Variants in SNCAIP observed in about 807,000 individuals in gnomAD.
SNCAIP encodes synphilin-1.
A neutral mutation model predicts 86.7 loss-of-function variants in SNCAIP; 43 were observed. The observed-to-expected ratio is 0.50, with a 90% CI of 0.39 to 0.64. The LOEUF (loss-of-function observed/expected upper bound fraction) is 0.64, where lower values mean the gene tolerates loss of function less well. SNCAIP is among the 30% of genes least tolerant of loss of function. The pLI, the probability that SNCAIP is intolerant of heterozygous loss-of-function variation, is 0.00. For missense variants in SNCAIP, 981 were observed against 1,103.1 expected, an observed-to-expected ratio of 0.89 and a Z score of 1.57; for synonymous variants, 417 against 427.2, an observed-to-expected ratio of 0.98 and a Z score of 0.29.
intron 1 of SNCAIP, among the ~76,000 whole-genome samples, chr5:122,384,233 A>G (rs1238685121): frequency 6.6e-6 from 1 of 152,208 alleles, no homozygotes; most frequent in Non-Finnish European, 1.5e-5. Context: ...CTTTGCCCCT[A>G]CTTAGTAGTG....
At position 122,450,541 on chromosome 5, in the gene SNCAIP, C is replaced by G; in HGVS notation, c.1694C>G (p.Ser565Cys). The G allele has an allele frequency of 6.2e-7, 1 of 1,612,848 alleles. No individual in the cohort carries two copies. The highest frequency in any genetic ancestry group is 8.5e-7 in the Non-Finnish European group (1 of 1,178,856). Residue 565 changes from serine (S) to cysteine (C), a missense_variant, in exon 10 of 11, where the codon TCC (serine) becomes TGC (cysteine). Physicochemically the swap from Ser to Cys is moderately radical, Grantham distance 112. Coordinates refer to ENST00000261368, the MANE Select transcript of SNCAIP (RefSeq NM_005460.4). ...CTTCATCTTCTTTTTAGTTCACCATCCTCACCTGCCTCCAGAAAGTCCCAG... is the reference window on the plus strand; with the variant it reads ...CTTCATCTTCTTTTTAGTTCACCATGCTCACCTGCCTCCAGAAAGTCCCAG... Reference protein sequence around the residue: ...KSLPSSPSSPSSPASRKSQWK... With the variant: ...KSLPSSPSSPCSPASRKSQWK...
intron 1 of SNCAIP, among the ~76,000 whole-genome samples, chr5:122,358,159 T>TTGTGTGTG (rs36222259): frequency 1.2e-4 from 17 of 138,090 alleles, no homozygotes; most frequent in Non-Finnish European, 2.2e-4. Flanking sequence ...ATTTGTTTCT[T>TTGTGTGTG]TGTGTGTGTG....
intron 2 of SNCAIP, among the ~76,000 whole-genome samples, chr5:122,395,189 C>A (rs1335957581): frequency 6.6e-6 from 1 of 152,098 alleles, no homozygotes; most frequent in Non-Finnish European, 1.5e-5. Context: ...TTTTACTGTA[C>A]CTCAACATTC....
rs868797500 is a variant in SNCAIP at position 122,451,561 on chromosome 5, G to A, written c.2714G>A (p.Gly905Glu). 1 of 1,613,658 alleles carries A rather than the reference G, an allele frequency of 6.2e-7. No homozygotes were observed. The highest frequency in any genetic ancestry group is 8.5e-7 in the Non-Finnish European group (1 of 1,179,896). The change falls in exon 10 of 11, where the codon GGA becomes GAA. Residue 905 changes from glycine to glutamate, a missense_variant. By Grantham distance (98) the Gly-to-Glu change is moderately conservative (BLOSUM62 -2). Coordinates refer to ENST00000261368, the MANE Select transcript of SNCAIP (RefSeq NM_005460.4). ...CTTGGGAGGAAGACAGATGCCAAGG[G>A]AAACCCTGCCAGCTCCGCTAGCAAA... Reference protein sequence around the residue: ...TSLGRKTDAKGNPASSASKGK... With the variant: ...TSLGRKTDAKENPASSASKGK...
chr5:122,351,516 A>AACAG (rs1759772841), intron 1 of SNCAIP, among the ~76,000 whole-genome samples: 1 of 130,824 alleles, frequency 7.6e-6, no homozygotes, highest in African/African-American at 3.0e-5. Flanking sequence ...CAGCCTGGGC[A>AACAG]ACAGAGTGAG....
At chr5:122,337,703 C>T (rs1336058883) in intron 1 of SNCAIP, among the ~76,000 whole-genome samples, 1 of 152,136 alleles carries the variant, frequency 6.6e-6, no homozygotes, top group African/African-American at 2.4e-5. Context: ...CCATGCCCTG[C>T]TAATTTTTGC....
At chr5:122,327,966 T>G (rs867697084) in intron 1 of SNCAIP, among the ~76,000 whole-genome samples, 1 of 152,138 alleles carries the variant, frequency 6.6e-6, no homozygotes, top group Non-Finnish European at 1.5e-5. Context: ...TCATGTGATT[T>G]AGGGTTAAAG....
At chr5:122,317,903 C>G (rs570631264) in intron 1 of SNCAIP, among the ~76,000 whole-genome samples, 2 of 152,170 alleles carry the variant, frequency 1.3e-5, no homozygotes, top group South Asian at 4.2e-4. Flanking sequence ...TCATGTTTCA[C>G]TCTTCCCAAG....
intron 1 of SNCAIP, chr5:122,337,044 G>T (rs1420230649): frequency 6.6e-6 from 1 of 152,226 alleles, no homozygotes; most frequent in East Asian, 1.9e-4. Context: ...ACAGGTAAAA[G>T]AAATGATGCA....
At chr5:122,421,317 A>G (rs868117985) in intron 3 of SNCAIP, among the ~76,000 whole-genome samples, 3 of 152,234 alleles carry the variant, frequency 2.0e-5, no homozygotes, top group Non-Finnish European at 2.9e-5. Flanking sequence ...TTTCAGGGAA[A>G]GAACTCACTG....
chr5:122,458,197 T>C (rs991011512), intron 10 of SNCAIP, among the ~76,000 whole-genome samples: 1 of 152,190 alleles, frequency 6.6e-6, no homozygotes. Flanking sequence ...AATGAATGTG[T>C]GGAGTTTGTG....
At chr5:122,366,037 G>A (rs932659802) in intron 1 of SNCAIP, among the ~76,000 whole-genome samples, 2 of 152,132 alleles carry the variant, frequency 1.3e-5, no homozygotes, top group Admixed American at 1.3e-4. Flanking sequence ...GGGCAAGCAA[G>A]TGAATTAGTC....
At chr5:122,321,937 A>G (rs532858905) in intron 1 of SNCAIP, 2 of 152,332 alleles carry the variant, frequency 1.3e-5, no homozygotes, top group East Asian at 1.9e-4. Flanking sequence ...ATGTGAAATC[A>G]TAAGTCTTAT....
intron 2 of SNCAIP, among the ~76,000 whole-genome samples, chr5:122,392,636 T>C (rs1043165996): frequency 2.0e-5 from 3 of 152,174 alleles, no homozygotes; most frequent in Non-Finnish European, 4.4e-5. Flanking sequence ...TTGATAATGA[T>C]GTTGTGTTTT....
chr5:122,431,291 C>CA (rs774206138), intron 5 of SNCAIP, among the ~76,000 whole-genome samples: 5 of 151,742 alleles, frequency 3.3e-5, no homozygotes, highest in East Asian at 1.9e-4. Flanking sequence ...TCACTATTCA[C>CA]AAAAAAAATT....
chr5:122,351,358 G>A (rs773993919), intron 1 of SNCAIP, among the ~76,000 whole-genome samples: 6 of 151,618 alleles, frequency 4.0e-5, no homozygotes, highest in Admixed American at 6.6e-5. Flanking sequence ...CCAACATGGC[G>A]AAACACCATC....
intron 3 of SNCAIP, among the ~76,000 whole-genome samples, chr5:122,410,206 A>C (rs1581071711): frequency 1.3e-5 from 2 of 152,356 alleles, no homozygotes; most frequent in East Asian, 3.9e-4. Context: ...CCACCAAAAC[A>C]AAATTACTGC....
chr5:122,318,436 T>C (rs1202811142), intron 1 of SNCAIP, among the ~76,000 whole-genome samples: 1 of 152,222 alleles, frequency 6.6e-6, no homozygotes, highest in East Asian at 1.9e-4. Flanking sequence ...ACTAAATGTC[T>C]TGAGAGCTGG....
chr5:122,380,062 G>A (rs1188334477), intron 1 of SNCAIP, among the ~76,000 whole-genome samples: 2 of 151,790 alleles, frequency 1.3e-5, no homozygotes, highest in East Asian at 1.9e-4. Context: ...CATAAAATGA[G>A]TTAGGGAGGA....
Sources: allele counts gnomAD v4.1 joint callset (sites outside exome capture counted in the v4.1 genomes callset), GRCh38; gene constraint gnomAD v4.1.1; transcripts MANE v1.5; gene names NCBI Gene and HGNC (gene_info 2026-07-23, HGNC 2026-07-21).